Variants in PTPRN2 observed in about 807,000 individuals in gnomAD.
PTPRN2 encodes the protein receptor-type tyrosine-protein phosphatase N2.
In PTPRN2, 74 loss-of-function variants were observed where a neutral mutation model predicts 118.8. The observed-to-expected ratio is 0.62, with a 90% CI of 0.52 to 0.76. The LOEUF is 0.76. Among genes scored for constraint, PTPRN2 ranks in the 30% least tolerant of loss-of-function variants. The probability of loss-of-function intolerance (pLI) is 0.00; values close to 1 mark genes in which losing one functional copy is unlikely to be tolerated. For synonymous variants in PTPRN2, 641 were observed against 608.0 expected, an observed-to-expected ratio of 1.05 and a Z score of -0.80; for missense variants, 1,481 against 1,394.4, an observed-to-expected ratio of 1.06 and a Z score of -0.99.
chr7:157,593,838 C>A (rs1461850700), intron 17 of PTPRN2, among the ~76,000 whole-genome samples: 2 of 152,232 alleles, frequency 1.3e-5, no homozygotes, highest in African/African-American at 4.8e-5. Context: ...AAGTAGGGAG[C>A]CCAAGTGCCC....
intron 12 of PTPRN2, among the ~76,000 whole-genome samples, chr7:157,716,712 A>G (rs1798933996): frequency 1.9e-5 from 1 of 53,782 alleles, no homozygotes; most frequent in African/African-American, 1.1e-4. Context: ...ACTCTGCGGG[A>G]ACACTGCCTG....
At chr7:158,151,522 C>T (rs537110664) in intron 6 of PTPRN2, among the ~76,000 whole-genome samples, 1 of 151,746 alleles carries the variant, frequency 6.6e-6, no homozygotes, top group Admixed American at 6.6e-5. Context: ...CCTCACCGCA[C>T]GTCCTACTCC....
At chr7:158,548,092 C>T (rs1826416549) in intron 1 of PTPRN2, among the ~76,000 whole-genome samples, 1 of 152,240 alleles carries the variant, frequency 6.6e-6, no homozygotes, top group Non-Finnish European at 1.5e-5. Flanking sequence ...TCGGCTCAGA[C>T]TCAAAGCGGC....
chr7:158,284,438 C>T (rs1799639456), intron 3 of PTPRN2, among the ~76,000 whole-genome samples: 1 of 152,206 alleles, frequency 6.6e-6, no homozygotes, highest in Non-Finnish European at 1.5e-5. Flanking sequence ...TGCTGGGACA[C>T]ACCCATTTCA....
chr7:158,079,652 G>C (rs1373315053), intron 11 of PTPRN2, among the ~76,000 whole-genome samples: 1 of 152,218 alleles, frequency 6.6e-6, no homozygotes, highest in Non-Finnish European at 1.5e-5. Flanking sequence ...CATAATACCT[G>C]ATCACGGATT....
intron 11 of PTPRN2, among the ~76,000 whole-genome samples, chr7:157,935,306 C>T (rs1482841649): frequency 6.6e-6 from 1 of 152,256 alleles, no homozygotes; most frequent in East Asian, 1.9e-4. Context: ...TCCTAGAGGC[C>T]ACCTGGGCTC....
intron 3 of PTPRN2, among the ~76,000 whole-genome samples, chr7:158,309,987 G>A (rs953181661): frequency 1.1e-4 from 16 of 152,116 alleles, no homozygotes; most frequent in Admixed American, 7.2e-4. Flanking sequence ...ATGAGGACAC[G>A]GGGGGAAGAT....
At chr7:157,721,908 G>A (rs1476332158) in intron 12 of PTPRN2, among the ~76,000 whole-genome samples, 1 of 152,224 alleles carries the variant, frequency 6.6e-6, no homozygotes, top group African/African-American at 2.4e-5. Flanking sequence ...TAGAGGCTCA[G>A]GGGTTAAGGG....
At chr7:158,340,402 ACC>A (rs1806461735) in intron 2 of PTPRN2, among the ~76,000 whole-genome samples, 1 of 64,594 alleles carries the variant, frequency 1.5e-5, no homozygotes, top group Non-Finnish European at 3.3e-5. Flanking sequence ...AAGAGCTGAC[ACC>A]CGCAGACGTC....
At chr7:158,476,548 G>T (rs953982157) in intron 2 of PTPRN2, among the ~76,000 whole-genome samples, 1 of 152,220 alleles carries the variant, frequency 6.6e-6, no homozygotes, top group Non-Finnish European at 1.5e-5. Flanking sequence ...CACAGACGCC[G>T]CTCGGGAGGG....
chr7:158,432,356 A>T (rs1816278950), intron 2 of PTPRN2, among the ~76,000 whole-genome samples: 1 of 152,210 alleles, frequency 6.6e-6, no homozygotes, highest in Non-Finnish European at 1.5e-5. Flanking sequence ...GGCTGACTAC[A>T]AACGACAAAG....
chr7:158,151,082 T>TAC (rs1563520612), intron 6 of PTPRN2, among the ~76,000 whole-genome samples: 623 of 17,312 alleles, frequency 0.036, 150 homozygotes, highest in Admixed American at 0.063. Context: ...CTCTTGCCCC[T>TAC]GCCTGCCCAA....
At chr7:157,698,494 C>T (rs1797916444) in intron 12 of PTPRN2, among the ~76,000 whole-genome samples, 1 of 152,232 alleles carries the variant, frequency 6.6e-6, no homozygotes, top group Admixed American at 6.5e-5. Context: ...GCAAACATTT[C>T]TGCTTGAAGG....
rs1339997145 is a variant in PTPRN2 at position 158,391,697 on chromosome 7, C to A, written c.164-74765G>T. 2.0e-5 allele frequency among the ~76,000 whole-genome samples: 3 copies of A among 152,172 alleles called. No individual in the cohort carries two copies. In the East Asian group the frequency reaches 5.8e-4, roughly 29 times the overall value. ...GGAGTCCCACCCCAGCCCCTCACAGCCCTGACCAGCTGCCCAGGCTGGATG... is the reference window on the plus strand; with the variant it reads ...GGAGTCCCACCCCAGCCCCTCACAGACCTGACCAGCTGCCCAGGCTGGATG... On this transcript the variant is annotated intron_variant, in intron 2 of 22. Coordinates refer to ENST00000389418, the MANE Select transcript of PTPRN2 (RefSeq NM_002847.5).
intron 6 of PTPRN2, among the ~76,000 whole-genome samples, chr7:158,153,501 C>G (rs1438622620): frequency 6.6e-6 from 1 of 152,158 alleles, no homozygotes; most frequent in Admixed American, 6.5e-5. Flanking sequence ...TCTGAGCCCA[C>G]AGCCCACCCG....
At chr7:158,138,606 C>T (rs112191968) in intron 6 of PTPRN2, 91 bp from the exon 7 acceptor site, 172 of 1,285,596 alleles carry the variant, frequency 1.3e-4, no homozygotes, top group African/African-American at 2.8e-4. Context: ...TGGGCGTCTG[C>T]GGCGTCCCAA....
At chr7:158,048,132 T>TACAC (rs111759966) in intron 11 of PTPRN2, among the ~76,000 whole-genome samples, 258 of 150,082 alleles carry the variant, frequency 1.7e-3, no homozygotes, top group African/African-American at 3.9e-3. Context: ...CACATATGTA[T>TACAC]ACACACACAC....
chr7:158,307,250 T>C (rs1319911872), intron 3 of PTPRN2, among the ~76,000 whole-genome samples: 1 of 152,046 alleles, frequency 6.6e-6, no homozygotes, highest in Non-Finnish European at 1.5e-5. Context: ...TAGTGTCTCA[T>C]CAAATAGAGA....
At position 158,529,395 on chromosome 7, in the gene PTPRN2, G is replaced by T. The variant is rs566891072; in HGVS notation, c.113-39610C>A. On this transcript the variant is annotated intron_variant, in intron 1 of 22. Transcript: ENST00000389418. The surrounding 1 kb of genome is among the most constrained non-coding windows in gnomAD (Gnocchi z 4.7). Reference sequence around the variant, plus strand: ...GGCAGAGGAAGGTGGGAAGGCCCAGGGGAGGCCAGCAGGAGGACGGACTCA... The same window carrying T: ...GGCAGAGGAAGGTGGGAAGGCCCAGTGGAGGCCAGCAGGAGGACGGACTCA... 2.8e-4 allele frequency among the ~76,000 whole-genome samples: 43 copies of T among 152,354 alleles called. No homozygotes were observed. In the South Asian group the frequency reaches 8.5e-3, roughly 30 times the overall value.
Sources: gnomAD v4.1 joint callset for allele counts (sites outside exome capture counted in the v4.1 genomes callset) on GRCh38, gnomAD v4.1.1 for gene constraint, Gnocchi (gnomAD v3.1) non-coding constraint, MANE v1.5 for transcripts, NCBI Gene and HGNC (gene_info 2026-07-23, HGNC 2026-07-21) for gene names.